The following SPA17 variants were observed in gnomAD, a reference collection of about 807,000 sequenced individuals.
The protein encoded by SPA17 is sperm autoantigenic protein 17.
SPA17 carries 7 observed loss-of-function variants against 13.8 expected under a neutral mutation model. The observed-to-expected ratio is 0.51, with a 90% CI of 0.29 to 0.95. SPA17 has a LOEUF of 0.95. Ranked by LOEUF, SPA17 falls within the 40% of genes least tolerant of loss-of-function variation. The pLI is 0.08. For missense variants in SPA17, 170 were observed against 179.3 expected (o/e 0.95, Z 0.30); for synonymous variants, 61 against 59.0 (o/e 1.03, Z -0.16).
chr11:124,688,158 CAT>C (rs781466051), intron 3 of SPA17, among the ~76,000 whole-genome samples: 4 of 152,194 alleles, frequency 2.6e-5, no homozygotes, highest in Non-Finnish European at 5.9e-5. Flanking sequence ...GGACTACAAA[CAT>C]GTGCCACCAC....
intron 2 of SPA17, 48 bp downstream of exon 2, chr11:124,675,466 T>G (rs1292136608): frequency 2.5e-6 from 4 of 1,588,434 alleles, no homozygotes; most frequent in Non-Finnish European, 3.4e-6. Flanking sequence ...AACTAAGCAT[T>G]TGTTTATGGT....
chr11:124,696,883 T>TA lies in SPA17; in HGVS notation c.*2443dup, dbSNP rs967166391. ...CTATAGGCATCTCAAAAGTAACATA[T>TA]AAAAAATGAATCCTGATATTGCCCC... On this transcript the variant is annotated 3_prime_UTR_variant, in exon 5 of 5. Coordinates refer to ENST00000227135, the MANE Select transcript of SPA17 (RefSeq NM_017425.4). 5.9e-5 allele frequency: 9 copies of TA among 152,170 alleles called. No individual in the cohort carries two copies. The highest frequency in any genetic ancestry group is 1.3e-4 in the Non-Finnish European group (9 of 68,038). The allele number at this position is 152,170 out of a possible 1,614,324, so 9.4% of individuals were successfully genotyped here. A position where few individuals can be genotyped will look rare whatever the true frequency, so the allele number is the denominator to read the frequency against.
chr11:124,685,307 AC>A (rs2134414065), intron 3 of SPA17, among the ~76,000 whole-genome samples: 1 of 152,368 alleles, frequency 6.6e-6, no homozygotes, highest in Non-Finnish European at 1.5e-5. Context: ...GAGGGTGCAA[AC>A]CCCAAGCCTT....
intron 2 of SPA17, among the ~76,000 whole-genome samples, chr11:124,680,149 T>C (rs1943513871): frequency 6.6e-6 from 1 of 152,166 alleles, no homozygotes; most frequent in Admixed American, 6.5e-5. Flanking sequence ...AATTAGAGCA[T>C]TACCATTTCA....
chr11:124,683,035 C>CT (rs1943543480), intron 3 of SPA17, among the ~76,000 whole-genome samples: 1 of 152,150 alleles, frequency 6.6e-6, no homozygotes, highest in African/African-American at 2.4e-5. Flanking sequence ...AATAACCGTA[C>CT]TTCTCAGCAG....
chr11:124,683,935 T>C lies in SPA17; in HGVS notation c.225+2476T>C, dbSNP rs1943551911. Among the ~76,000 whole-genome samples, 2 of 151,994 alleles carry C rather than the reference T, an allele frequency of 1.3e-5. 1 individual carries two copies. Among genetic ancestry groups the C allele is most frequent in the South Asian group, 4.1e-4 (2 of 4,822 alleles). On this transcript the variant is annotated intron_variant, in intron 3 of 4. Transcript: ENST00000227135. ...TTAGACAAATTATCTAAACAGAAAA[T>C]CAACAAAGTAACTGATATCATTTGG...
intron 3 of SPA17, among the ~76,000 whole-genome samples, chr11:124,687,230 C>T (rs1454501178): frequency 6.6e-6 from 1 of 151,908 alleles, no homozygotes; most frequent in Non-Finnish European, 1.5e-5. Context: ...CAAGATTGAA[C>T]CAGGAAGAAA....
At chr11:124,686,135 C>T (rs1003294112) in intron 3 of SPA17, among the ~76,000 whole-genome samples, 5 of 133,590 alleles carry the variant, frequency 3.7e-5, no homozygotes, top group African/African-American at 8.6e-5. Context: ...AATTGTAGTT[C>T]TCTTAATTCC....
chr11:124,692,228 C>T (rs1943628843), intron 4 of SPA17, among the ~76,000 whole-genome samples: 1 of 152,188 alleles, frequency 6.6e-6, no homozygotes, highest in Admixed American at 6.5e-5. Context: ...TATTCATCTT[C>T]CATGCATAAC....
intron 3 of SPA17, among the ~76,000 whole-genome samples, chr11:124,686,783 G>A (rs1232231496): frequency 1.3e-5 from 2 of 151,968 alleles, no homozygotes; most frequent in African/African-American, 4.8e-5. Context: ...CAAAACCTAT[G>A]GTATACAGAA....
At chr11:124,675,551 CT>C in intron 2 of SPA17, 133 bp downstream of exon 2, 1 of 904,868 alleles carries the variant, frequency 1.1e-6, no homozygotes, top group Non-Finnish European at 1.6e-6. Context: ...ACAGTTCTTG[CT>C]CTTTGAAACA....
chr11:124,680,880 G>A (rs976978110), intron 2 of SPA17, among the ~76,000 whole-genome samples: 2 of 151,740 alleles, frequency 1.3e-5, no homozygotes, highest in Admixed American at 6.6e-5. Flanking sequence ...TACTTTTTAA[G>A]TATTGAAATT....
At chr11:124,688,259 T>G (rs1943593951) in intron 3 of SPA17, among the ~76,000 whole-genome samples, 1 of 152,212 alleles carries the variant, frequency 6.6e-6, no homozygotes, top group Admixed American at 6.5e-5. Flanking sequence ...GTGATCATCC[T>G]GCCTTGGCCT....
chr11:124,686,897 G>A (rs901185438), intron 3 of SPA17, among the ~76,000 whole-genome samples: 3 of 152,062 alleles, frequency 2.0e-5, no homozygotes, highest in African/African-American at 7.2e-5. Flanking sequence ...AACTTGAAAA[G>A]CAAGAACAAA....
At chr11:124,681,341 CT>C in intron 2 of SPA17, 47 bp from the exon 3 acceptor site, 1 of 1,442,778 alleles carries the variant, frequency 6.9e-7, no homozygotes, top group Non-Finnish European at 9.5e-7. Flanking sequence ...CTACATTTAC[CT>C]TAATGAATTC....
intron 1 of SPA17, 61 bp from the exon 2 acceptor site, chr11:124,675,177 T>A: frequency 1.3e-6 from 2 of 1,483,250 alleles, no homozygotes; most frequent in South Asian, 1.3e-5. Context: ...GTTGGCATAG[T>A]TGTGATTATA....
chr11:124,678,682 G>A (rs1943498162), intron 2 of SPA17, among the ~76,000 whole-genome samples: 1 of 152,060 alleles, frequency 6.6e-6, no homozygotes, highest in African/African-American at 2.4e-5. Flanking sequence ...AAGTAGTTGG[G>A]AACTACAGGC....
At chr11:124,679,637 A>G (rs1943507086) in intron 2 of SPA17, among the ~76,000 whole-genome samples, 1 of 152,228 alleles carries the variant, frequency 6.6e-6, no homozygotes, top group Non-Finnish European at 1.5e-5. Flanking sequence ...ACCAGTGAGC[A>G]CCCAGCTTCC....
At chr11:124,680,921 T>A (rs1943523077) in intron 2 of SPA17, among the ~76,000 whole-genome samples, 1 of 152,084 alleles carries the variant, frequency 6.6e-6, no homozygotes, top group African/African-American at 2.4e-5. Context: ...AAAAAAATTG[T>A]TTAAAAATAA....
Sources: gnomAD v4.1 joint callset for allele counts (sites outside exome capture counted in the v4.1 genomes callset) on GRCh38, gnomAD v4.1.1 for gene constraint, MANE v1.5 for transcripts, NCBI Gene and HGNC (gene_info 2026-07-23, HGNC 2026-07-21) for gene names.